Variants in DIP2B observed in about 807,000 individuals in gnomAD.
DIP2B encodes DIP2 acetate--CoA ligase B (putative).
DIP2B carries 76 observed loss-of-function variants against 198.0 expected under a neutral mutation model. The observed-to-expected ratio is 0.38, with a 90% CI of 0.32 to 0.46. The LOEUF (loss-of-function observed/expected upper bound fraction) is 0.46. Among genes scored for constraint, DIP2B ranks in the 20% least tolerant of loss-of-function variants. The pLI is 0.99. For missense variants in DIP2B, 1,559 were observed against 1,978.4 expected (o/e 0.79, Z 4.02); for synonymous variants, 701 against 739.1 (o/e 0.95, Z 0.84).
chr12:50,564,153 C>A (rs1284118163), intron 1 of DIP2B, among the ~76,000 whole-genome samples: 1 of 151,930 alleles, frequency 6.6e-6, no homozygotes, highest in Non-Finnish European at 1.5e-5. Context: ...GTTAAACTTA[C>A]CTAAATGGTA....
In DIP2B at chr12:50,723,303, A is replaced by C; in HGVS notation, c.3268A>C (p.Thr1090Pro). The change falls in exon 27 of 38, where the codon ACT (threonine) becomes CCT (proline). Residue 1090 changes from threonine (T) to proline (P), a missense_variant. Thr to Pro is a conservative substitution (Grantham distance 38). Coordinates refer to ENST00000301180, the MANE Select transcript of DIP2B (RefSeq NM_173602.3). ...TCAGAACCTCACGGCCACGCTGCCC[A>C]CTGTCCGAATGATTGTTGATGTAAG... is the stretch of plus-strand genomic sequence containing the variant. ...HAQNLTATLP[T>P]VRMIVDVSKA... 1.2e-6 allele frequency: 2 copies of C among 1,614,140 alleles called. No individual in the cohort carries two copies. The highest frequency in any genetic ancestry group is 1.7e-6 in the Non-Finnish European group (2 of 1,180,006).
chr12:50,736,076 G>C (rs1940134028), intron 34 of DIP2B, among the ~76,000 whole-genome samples: 1 of 152,154 alleles, frequency 6.6e-6, no homozygotes, highest in Non-Finnish European at 1.5e-5. Flanking sequence ...TCAGAATCCT[G>C]TCTAGTAATT....
chr12:50,603,998 C>G (rs1958960595), intron 1 of DIP2B, among the ~76,000 whole-genome samples: 1 of 152,034 alleles, frequency 6.6e-6, no homozygotes. Context: ...GAAATGCTGA[C>G]CTTGGCATTG....
intron 1 of DIP2B, among the ~76,000 whole-genome samples, chr12:50,527,550 A>C (rs1958177776): frequency 6.6e-6 from 1 of 152,100 alleles, no homozygotes; most frequent in Non-Finnish European, 1.5e-5. Context: ...CCGAGGCGGG[A>C]GGATTGCTTG....
chr12:50,724,676 C>G, intron 27 of DIP2B, 99 bp from the exon 28 acceptor site: 1 of 913,166 alleles, frequency 1.1e-6, no homozygotes, highest in Non-Finnish European at 1.8e-6. Context: ...CTGTCCTGTC[C>G]AGTGTGGTAC....
Position 50,505,131 on chromosome 12 carries a change from C to T in DIP2B, c.-10C>T, listed in dbSNP as rs759800859. Reference sequence around the variant, plus strand: ...CTCTTGTCTTCCGGAGTGTGGCTGGCGGAGCTGGGATGGCGGAACGAGGCC... The same window carrying T: ...CTCTTGTCTTCCGGAGTGTGGCTGGTGGAGCTGGGATGGCGGAACGAGGCC... On this transcript the variant is annotated 5_prime_UTR_variant, in exon 1 of 38. Coordinates refer to ENST00000301180, the MANE Select transcript of DIP2B (RefSeq NM_173602.3). 1.3e-6 allele frequency: 2 copies of T among 1,529,664 alleles called. No individual in the cohort carries two copies. Among genetic ancestry groups the T allele is most frequent in the African/African-American group, 1.4e-5 (1 of 71,800 alleles). The allele number at this position is 1,529,664 out of a possible 1,614,324, so 94.8% of individuals were successfully genotyped here.
intron 7 of DIP2B, among the ~76,000 whole-genome samples, chr12:50,676,832 A>G (rs555815142): frequency 4.1e-4 from 63 of 152,346 alleles, no homozygotes; most frequent in African/African-American, 1.5e-3. Context: ...AACAAATACA[A>G]TACTTATTTA....
intron 1 of DIP2B, among the ~76,000 whole-genome samples, chr12:50,578,344 CTTTT>C (rs901350688): frequency 5.0e-5 from 7 of 139,514 alleles, no homozygotes; most frequent in African/African-American, 1.5e-4. Flanking sequence ...ACCCGTACAT[CTTTT>C]TTTTGTTTGT....
intron 10 of DIP2B, among the ~76,000 whole-genome samples, chr12:50,685,361 A>G (rs913801667): frequency 6.6e-6 from 1 of 152,226 alleles, no homozygotes; most frequent in African/African-American, 2.4e-5. Context: ...AAAACAGAAA[A>G]ATAAAAGGAT....
At chr12:50,641,851 A>G (rs747029809) in intron 3 of DIP2B, among the ~76,000 whole-genome samples, 1 of 152,170 alleles carries the variant, frequency 6.6e-6, no homozygotes, top group Non-Finnish European at 1.5e-5. Context: ...TCTGCAGCAC[A>G]TTTCTTGTTT....
At chr12:50,679,022 T>G in intron 8 of DIP2B, 146 bp downstream of exon 8, 1 of 912,950 alleles carries the variant, frequency 1.1e-6, no homozygotes, top group Non-Finnish European at 1.6e-6. Flanking sequence ...AAGCTCTAAG[T>G]AAAGCTATTG....
chr12:50,611,130 A>T (rs1197424570), intron 1 of DIP2B, among the ~76,000 whole-genome samples: 3 of 152,194 alleles, frequency 2.0e-5, no homozygotes, highest in African/African-American at 7.2e-5. Flanking sequence ...TAATAGACAC[A>T]CAAATTAAAG....
In DIP2B at chr12:50,695,340, A is replaced by G; in HGVS notation, c.1793A>G (p.Gln598Arg). 6.2e-7 allele frequency: 1 copy of G among 1,613,934 alleles called. No individual in the cohort carries two copies. The highest frequency in any genetic ancestry group is 8.5e-7 in the Non-Finnish European group (1 of 1,179,828). ...VMKTCPLSWVQRVHAHKAKVA... is the reference protein window; with the variant it reads ...VMKTCPLSWVRRVHAHKAKVA... ...AAAACCTGTCCTCTCTCTTGGGTCC[A>G]AAGAGTACATGCTCACAAAGGTAGT... Residue 598 changes from glutamine (Q) to arginine (R), a missense_variant, in exon 15 of 38, where the codon CAA becomes CGA. Transcript: ENST00000301180.
At chr12:50,572,222 G>A (rs568276219) in intron 1 of DIP2B, among the ~76,000 whole-genome samples, 2 of 152,220 alleles carry the variant, frequency 1.3e-5, no homozygotes, top group East Asian at 3.9e-4. Flanking sequence ...TGTCTATTAT[G>A]TGTTGATATA....
chr12:50,600,897 C>CCACCACCACCAT, intron 1 of DIP2B, among the ~76,000 whole-genome samples: 1 of 74,136 alleles, frequency 1.3e-5, no homozygotes, highest in East Asian at 1.2e-3. Context: ...ACCACCATCA[C>CCACCACCACCAT]CACCACCACC....
At position 50,723,118 on chromosome 12, in the gene DIP2B, A is replaced by G. The variant is rs1470666959; in HGVS notation, c.3167-84A>G. On this transcript the variant is annotated intron_variant, in intron 26 of 37. Coordinates refer to ENST00000301180, the MANE Select transcript of DIP2B (RefSeq NM_173602.3). ...CAGAACCTGTCTGGCACATGATTTA[A>G]TTGTTTTGGAAAATTTGCCTTTTAG... The G allele has an allele frequency of 1.9e-6, 3 of 1,557,586 alleles. No homozygotes were observed. In the Admixed American group the frequency reaches 5.4e-5, roughly 28 times the overall value.
At position 50,675,216 on chromosome 12, in the gene DIP2B, G is replaced by A. The variant is rs1235105241; in HGVS notation, c.797-113G>A. ...CATATTTGGTCCACTTGAAAGAGAA[G>A]GAAACTGGACAAACGCCAAACATCC... On this transcript the variant is annotated intron_variant, in intron 6 of 37. Coordinates refer to ENST00000301180, the MANE Select transcript of DIP2B (RefSeq NM_173602.3). 13 of 1,352,812 alleles carry A rather than the reference G, an allele frequency of 9.6e-6. No individual in the cohort carries two copies. In the East Asian group the frequency reaches 2.8e-4, roughly 29 times the overall value. 83.8% of individuals were successfully genotyped at this position (1,352,812 alleles called of 1,614,324 possible). A position where few individuals can be genotyped will look rare whatever the true frequency, so the allele number is the denominator to read the frequency against.
chr12:50,619,356 A>G (rs945643721), intron 1 of DIP2B, among the ~76,000 whole-genome samples: 1 of 152,230 alleles, frequency 6.6e-6, no homozygotes, highest in Non-Finnish European at 1.5e-5. Flanking sequence ...CCATGCCCAT[A>G]CAGAGCCAGT....
intron 25 of DIP2B, 101 bp from the exon 26 acceptor site, chr12:50,721,171 CA>C: frequency 6.7e-7 from 1 of 1,482,124 alleles, no homozygotes; most frequent in Non-Finnish European, 9.0e-7. Context: ...GGATAATCTA[CA>C]AAAGCACAAG....
Sources: allele counts gnomAD v4.1 joint callset (sites outside exome capture counted in the v4.1 genomes callset), GRCh38; gene constraint gnomAD v4.1.1; transcripts MANE v1.5; gene names NCBI Gene and HGNC (gene_info 2026-07-23, HGNC 2026-07-21).